TRHDE: variants seen among roughly 807,000 people sequenced by gnomAD.
TRHDE encodes thyrotropin releasing hormone degrading enzyme.
In TRHDE, 72 loss-of-function variants were observed where a neutral mutation model predicts 125.7. The observed-to-expected ratio is 0.57, with a 90% CI of 0.47 to 0.70. TRHDE has a LOEUF of 0.70. Ranked by LOEUF, TRHDE falls within the 30% of genes least tolerant of loss-of-function variation. TRHDE has a pLI of 0.00. For synonymous variants in TRHDE, 509 were observed against 509.1 expected (o/e 1.00, Z 0.00); for missense variants, 1,110 against 1,327.1 (o/e 0.84, Z 2.54).
At chr12:72,457,885 A>G (rs1875937955) in intron 3 of TRHDE, among the ~76,000 whole-genome samples, 1 of 152,186 alleles carries the variant, frequency 6.6e-6, no homozygotes, top group African/African-American at 2.4e-5. Context: ...ATGGTCATTT[A>G]TAAATAGTAT....
chr12:72,657,728 A>G (rs1874761853), intron 18 of TRHDE, among the ~76,000 whole-genome samples: 1 of 152,150 alleles, frequency 6.6e-6, no homozygotes, highest in Non-Finnish European at 1.5e-5. Context: ...CCATTAAGTC[A>G]CCTCACTAAT....
chr12:72,503,126 T>C (rs1878222124), intron 6 of TRHDE, among the ~76,000 whole-genome samples: 1 of 152,162 alleles, frequency 6.6e-6, no homozygotes, highest in African/African-American at 2.4e-5. Flanking sequence ...TATAGATGAT[T>C]CTGGAGACAT....
chr12:72,411,561 T>C (rs1873509719), intron 3 of TRHDE, among the ~76,000 whole-genome samples: 1 of 152,098 alleles, frequency 6.6e-6, no homozygotes, highest in Non-Finnish European at 1.5e-5. Flanking sequence ...TCTATCTCAG[T>C]TGAGACAGAA....
chr12:72,378,978 A>G lies in TRHDE; in HGVS notation c.1315+857A>G, dbSNP rs377635776. ...CAGAAAACCTGTTTTGAAATATTAC[A>G]TCACAACAGTCCTTTGCTCCCCTCT... On this transcript the variant is annotated intron_variant, in intron 3 of 18. Coordinates refer to ENST00000261180, the MANE Select transcript of TRHDE (RefSeq NM_013381.3). Among the ~76,000 whole-genome samples, 4 of 152,178 alleles carry G rather than the reference A, an allele frequency of 2.6e-5. No homozygotes were observed. The East Asian group carries it at 5.8e-4, about 22-fold the overall frequency.
At chr12:72,526,864 T>C (rs913758173) in intron 6 of TRHDE, among the ~76,000 whole-genome samples, 1 of 152,134 alleles carries the variant, frequency 6.6e-6, no homozygotes, top group Non-Finnish European at 1.5e-5. Context: ...TGAAGATACA[T>C]ATATTAAGAG....
At chr12:72,291,760 G>T (rs537692210) in intron 2 of TRHDE, among the ~76,000 whole-genome samples, 1 of 152,282 alleles carries the variant, frequency 6.6e-6, no homozygotes, top group East Asian at 1.9e-4. Context: ...ACATGCATGG[G>T]TTCTATGCAA....
chr12:72,206,132 G>T (rs563289971), intron 2 of TRHDE, among the ~76,000 whole-genome samples: 5 of 150,790 alleles, frequency 3.3e-5, no homozygotes, highest in Non-Finnish European at 7.4e-5. Flanking sequence ...TGTCATGCAG[G>T]CTGGAGTGCA....
chr12:72,581,967 T>A (rs967514455), intron 12 of TRHDE, among the ~76,000 whole-genome samples: 1 of 151,838 alleles, frequency 6.6e-6, no homozygotes, highest in South Asian at 2.1e-4. Context: ...CCGGGCAAGG[T>A]GGCAGGCGCC....
At chr12:72,568,422 T>C (rs954625816) in intron 9 of TRHDE, 146 bp from the exon 10 acceptor site, 10 of 476,772 alleles carry the variant, frequency 2.1e-5, no homozygotes, top group Non-Finnish European at 3.7e-5. Flanking sequence ...TTTTGACCTA[T>C]GCCTTACTTT....
intron 2 of TRHDE, among the ~76,000 whole-genome samples, chr12:72,320,158 G>A (rs375405522): frequency 2.6e-5 from 4 of 151,964 alleles, no homozygotes; most frequent in East Asian, 3.9e-4. Context: ...GGAATGAGGA[G>A]TGTATATGCA....
intron 7 of TRHDE, among the ~76,000 whole-genome samples, chr12:72,548,540 G>A (rs1050783081): frequency 8.6e-5 from 13 of 151,558 alleles, no homozygotes; most frequent in Admixed American, 7.3e-4. Flanking sequence ...CTGATTCTAC[G>A]TAAGTAGAAT....
At chr12:72,627,881 A>G (rs10784980) in intron 15 of TRHDE, among the ~76,000 whole-genome samples, 24,867 of 150,408 alleles carry the variant, frequency 0.17, 3,962 homozygotes, top group African/African-American at 0.42. Flanking sequence ...GTCTCACTAT[A>G]TTGCCCAGGC....
In TRHDE at chr12:72,545,122, G is replaced by T. The variant is rs143113645; in HGVS notation, c.1788+2766G>T. Among the ~76,000 whole-genome samples the T allele has an allele frequency of 1.9e-3, 289 of 151,450 alleles. 3 individuals are homozygous for T. The highest frequency in any genetic ancestry group is 6.2e-3 in the African/African-American group (256 of 41,424). ...TAGCTTCCATTTTAATGTTTTAATT[G>T]AAAGTGGAACTGGACTGAATTGAGC... On this transcript the variant is annotated intron_variant, in intron 7 of 18. Coordinates refer to ENST00000261180, the MANE Select transcript of TRHDE (RefSeq NM_013381.3).
chr12:72,593,305 G>T (rs1254787121), intron 12 of TRHDE, among the ~76,000 whole-genome samples: 1 of 152,116 alleles, frequency 6.6e-6, no homozygotes, highest in South Asian at 2.1e-4. Context: ...TTCAGAAAGG[G>T]TAAACTTGTT....
At chr12:72,526,082 A>G (rs114587646) in intron 6 of TRHDE, among the ~76,000 whole-genome samples, 1 of 152,050 alleles carries the variant, frequency 6.6e-6, no homozygotes, top group African/African-American at 2.4e-5. Context: ...AATTATATCT[A>G]GTTTTTAAAA....
At chr12:72,205,764 A>G (rs114347765) in intron 2 of TRHDE, among the ~76,000 whole-genome samples, 1 of 152,326 alleles carries the variant, frequency 6.6e-6, no homozygotes, top group African/African-American at 2.4e-5. Flanking sequence ...TTATCAATTG[A>G]TAGACATTGA....
chr12:72,349,551 T>C (rs12305161), intron 2 of TRHDE, among the ~76,000 whole-genome samples: 2 of 151,546 alleles, frequency 1.3e-5, no homozygotes. Context: ...TGCCTTTTTT[T>C]GGGCGGGGGG....
At chr12:72,572,771 ATTAAC>A (rs999463149) in intron 10 of TRHDE, among the ~76,000 whole-genome samples, 1 of 152,052 alleles carries the variant, frequency 6.6e-6, no homozygotes, top group Non-Finnish European at 1.5e-5. Flanking sequence ...TAATATACAT[ATTAAC>A]TTAAATTTGA....
chr12:72,305,278 C>T (rs1022448071), intron 2 of TRHDE, among the ~76,000 whole-genome samples: 1 of 152,008 alleles, frequency 6.6e-6, no homozygotes, highest in Non-Finnish European at 1.5e-5. Flanking sequence ...AATGTTATTC[C>T]ATAAATTAGG....
Sources: gnomAD v4.1 joint callset for allele counts (sites outside exome capture counted in the v4.1 genomes callset) on GRCh38, gnomAD v4.1.1 for gene constraint, MANE v1.5 for transcripts, NCBI Gene and HGNC (gene_info 2026-07-23, HGNC 2026-07-21) for gene names.